The following RALGAPB variants were observed in gnomAD, a reference collection of about 807,000 sequenced individuals.
RALGAPB encodes ral GTPase-activating protein subunit beta.
RALGAPB carries 25 observed loss-of-function variants against 161.1 expected under a neutral mutation model. The ratio of observed to expected loss-of-function variants is 0.16; its 90% confidence interval spans 0.11 to 0.22. The LOEUF (loss-of-function observed/expected upper bound fraction) is 0.22, where lower values mean the gene tolerates loss of function less well. Ranked by LOEUF, RALGAPB falls within the 10% of genes least tolerant of loss-of-function variation. The probability of loss-of-function intolerance (pLI) is 1.00; values close to 1 mark genes in which losing one functional copy is unlikely to be tolerated. For missense variants in RALGAPB, 1,391 were observed against 1,815.2 expected (o/e 0.77, Z 4.25); for synonymous variants, 629 against 626.1 (o/e 1.00, Z -0.07).
At chr20:38,496,364 A>G (rs1167260001) in intron 3 of RALGAPB, among the ~76,000 whole-genome samples, 3 of 152,096 alleles carry the variant, frequency 2.0e-5, no homozygotes, top group Non-Finnish European at 4.4e-5. Context: ...TTCTTGAGGA[A>G]ACTCCCCAGT....
intron 10 of RALGAPB, among the ~76,000 whole-genome samples, chr20:38,523,927 G>A (rs2086374753): frequency 6.6e-6 from 1 of 152,152 alleles, no homozygotes; most frequent in African/African-American, 2.4e-5. Flanking sequence ...ATGTCTCTTG[G>A]ATTTGGCAAT....
At chr20:38,499,709 T>C in intron 5 of RALGAPB, 76 bp downstream of exon 5, 2 of 1,382,880 alleles carry the variant, frequency 1.4e-6, no homozygotes, top group Non-Finnish European at 1.9e-6. Context: ...TGGAATACAT[T>C]ATAACAAAGG....
At chr20:38,560,363 G>A (rs2087744375) in intron 23 of RALGAPB, among the ~76,000 whole-genome samples, 1 of 152,182 alleles carries the variant, frequency 6.6e-6, no homozygotes, top group Non-Finnish European at 1.5e-5. Flanking sequence ...ATTCTAGCTG[G>A]TATTTAAGGT....
intron 1 of RALGAPB, among the ~76,000 whole-genome samples, chr20:38,482,997 C>G (rs1210279547): frequency 6.6e-6 from 1 of 152,146 alleles, no homozygotes; most frequent in African/African-American, 2.4e-5. Flanking sequence ...AGTGATCCTC[C>G]CACTTCAGCC....
chr20:38,516,717 A>G (rs1246180211), intron 7 of RALGAPB: 1 of 176,260 alleles, frequency 5.7e-6, no homozygotes, highest in East Asian at 1.5e-4. Context: ...TGATTGCAAA[A>G]GAAAAGAGTG....
In RALGAPB at chr20:38,575,076, T is replaced by A; in HGVS notation, c.*109T>A. The A allele has an allele frequency of 1.1e-6, 1 of 937,202 alleles. No individual in the cohort carries two copies. Among genetic ancestry groups the A allele is most frequent in the Non-Finnish European group, 1.6e-6 (1 of 613,126 alleles). The allele number at this position is 937,202 out of a possible 1,614,324, so 58.1% of individuals were successfully genotyped here. A position where few individuals can be genotyped will look rare whatever the true frequency, so the allele number is the denominator to read the frequency against. ...TAAAAACAAATCACTCCCAAGAGCT[T>A]ACTGTTTAATCACCAGAATAGAAGA... On this transcript the variant is annotated 3_prime_UTR_variant, in exon 30 of 30. Transcript: ENST00000262879.
chr20:38,534,681 G>A (rs1568950539), intron 15 of RALGAPB, among the ~76,000 whole-genome samples: 1 of 152,172 alleles, frequency 6.6e-6, no homozygotes, highest in Non-Finnish European at 1.5e-5. Flanking sequence ...CATCTGAGGA[G>A]GCCGTAAAAT....
intron 21 of RALGAPB, among the ~76,000 whole-genome samples, chr20:38,552,733 T>A (rs566406814): frequency 6.6e-6 from 1 of 152,252 alleles, no homozygotes; most frequent in South Asian, 2.1e-4. Context: ...GGCAGTGTAA[T>A]AGGGGATCCC....
intron 1 of RALGAPB, among the ~76,000 whole-genome samples, chr20:38,476,555 T>C (rs2084809002): frequency 6.6e-6 from 1 of 152,134 alleles, no homozygotes; most frequent in Non-Finnish European, 1.5e-5. Context: ...TGTCTGTGTG[T>C]GCATGGGATA....
chr20:38,505,940 A>G (rs537509262), intron 5 of RALGAPB, among the ~76,000 whole-genome samples: 115 of 152,340 alleles, frequency 7.5e-4, no homozygotes, highest in Non-Finnish European at 1.4e-3. Context: ...TCAAATTTCC[A>G]GGTACAATTG....
intron 26 of RALGAPB, among the ~76,000 whole-genome samples, chr20:38,568,211 C>T (rs895943064): frequency 2.0e-5 from 3 of 151,648 alleles, no homozygotes; most frequent in African/African-American, 7.3e-5. Context: ...TTGTTTCTCA[C>T]TTATACTGTA....
intron 23 of RALGAPB, among the ~76,000 whole-genome samples, chr20:38,562,112 A>G (rs948773443): frequency 6.6e-6 from 1 of 152,238 alleles, no homozygotes; most frequent in Non-Finnish European, 1.5e-5. Context: ...TATAGCATTT[A>G]TCAAGATTTA....
chr20:38,521,136 A>T (rs2086277398), intron 9 of RALGAPB, among the ~76,000 whole-genome samples: 1 of 152,178 alleles, frequency 6.6e-6, no homozygotes. Flanking sequence ...TTTAAGCATC[A>T]TTCTGTAGGG....
chr20:38,513,674 TATAA>T (rs1479757694), intron 6 of RALGAPB, among the ~76,000 whole-genome samples: 4 of 151,604 alleles, frequency 2.6e-5, no homozygotes, highest in Non-Finnish European at 5.9e-5. Context: ...TAAATTAAAA[TATAA>T]ATAAACTATA....
At position 38,535,093 on chromosome 20, in the gene RALGAPB, T is replaced by A. The variant is rs1195542157; in HGVS notation, c.2265T>A (p.Ala755=). 17 of 1,613,992 alleles carry A rather than the reference T, an allele frequency of 1.1e-5. No homozygotes were observed. Among genetic ancestry groups the A allele is most frequent in the Non-Finnish European group, 1.4e-5 (16 of 1,179,930 alleles). The change falls in exon 16 of 30, where the codon GCT becomes GCA. Residue 755 remains alanine, a synonymous_variant. Coordinates refer to ENST00000262879, the MANE Select transcript of RALGAPB (RefSeq NM_020336.4). Reference sequence around the variant, plus strand: ...TCCTAGCTCTTAATACAGATTCAGCTGCTGGGCTCCTGATTCGCAGCATTC... The same window carrying A: ...TCCTAGCTCTTAATACAGATTCAGCAGCTGGGCTCCTGATTCGCAGCATTC... ...LRDYALNTDS[A]AGLLIRSIHL...
At position 38,574,138 on chromosome 20, in the gene RALGAPB, T is replaced by C; in HGVS notation, c.4143-12T>C. 1.9e-6 allele frequency: 3 copies of C among 1,597,166 alleles called. No homozygotes were observed. The highest frequency in any genetic ancestry group is 2.6e-6 in the Non-Finnish European group (3 of 1,173,648). On this transcript the variant is annotated splice_polypyrimidine_tract_variant and intron_variant, in intron 28 of 29. Transcript: ENST00000262879. ...TCTTGGGTGTCTGAGATAACAATTT[T>C]CTTTTCTTAAGATCTACAACTCTTG...
At chr20:38,485,966 C>CTTTTTTTTTTTTTTTTTTTT (rs11481893) in intron 1 of RALGAPB, among the ~76,000 whole-genome samples, 2 of 90,712 alleles carry the variant, frequency 2.2e-5, no homozygotes, top group African/African-American at 4.4e-5. Flanking sequence ...CTTTCTATAT[C>CTTTTTTTTTTTTTTTTTTTT]TTTTTTTTTT....
At chr20:38,512,951 G>A (rs1393499975) in intron 6 of RALGAPB, among the ~76,000 whole-genome samples, 5 of 151,986 alleles carry the variant, frequency 3.3e-5, no homozygotes, top group Middle Eastern at 3.4e-3. Flanking sequence ...TAGTAGAGAC[G>A]GGGTTTCACC....
chr20:38,545,103 A>G (rs1362258340), intron 18 of RALGAPB, among the ~76,000 whole-genome samples: 1 of 152,172 alleles, frequency 6.6e-6, no homozygotes, highest in Non-Finnish European at 1.5e-5. Flanking sequence ...CTTTTGGGCA[A>G]CTGGACATTT....
Sources: allele counts gnomAD v4.1 joint callset (sites outside exome capture counted in the v4.1 genomes callset), GRCh38; gene constraint gnomAD v4.1.1; transcripts MANE v1.5; gene names NCBI Gene and HGNC (gene_info 2026-07-23, HGNC 2026-07-21).